The following DGKB variants were observed in gnomAD, a reference collection of about 807,000 sequenced individuals.
DGKB encodes the protein 90 kDa diacylglycerol kinase.
A neutral mutation model predicts 114.3 loss-of-function variants in DGKB; 67 were observed. The observed-to-expected ratio is 0.59, with a 90% CI of 0.48 to 0.72. The LOEUF is 0.72. DGKB is among the 30% of genes least tolerant of loss of function. The probability of loss-of-function intolerance (pLI) is 0.00; values close to 1 mark genes in which losing one functional copy is unlikely to be tolerated. For missense variants in DGKB, 907 were observed against 975.2 expected (o/e 0.93, Z 0.93); for synonymous variants, 398 against 323.1 (o/e 1.23, Z -2.49).
rs371986642 is a variant in DGKB, at chr7:14,510,519, C to T, written c.1771-32294G>A. Among the ~76,000 whole-genome samples the T allele has an allele frequency of 4.8e-4, 73 of 152,194 alleles. No homozygotes were observed. The South Asian group carries it at 0.015, about 31-fold the overall frequency. ...CCATTTCTTATTCTTGCTATTTCTA[C>T]CACGTATGCAGTTACTTCCTCCACT... On this transcript the variant is annotated intron_variant, in intron 20 of 25. Coordinates refer to ENST00000402815, the MANE Select transcript of DGKB (RefSeq NM_001350709.2).
chr7:14,810,512 T>C (rs1214902452), intron 2 of DGKB, among the ~76,000 whole-genome samples: 3 of 152,224 alleles, frequency 2.0e-5, no homozygotes, highest in Non-Finnish European at 4.4e-5. Context: ...ATAATTTATT[T>C]TATTCAATAT....
chr7:14,487,980 A>G (rs1197995568), intron 20 of DGKB, among the ~76,000 whole-genome samples: 1 of 152,186 alleles, frequency 6.6e-6, no homozygotes, highest in Non-Finnish European at 1.5e-5. Flanking sequence ...TGTAAATAAA[A>G]ACTTATGAAC....
chr7:14,960,476 C>T (rs1587462295), intron 1 of DGKB, among the ~76,000 whole-genome samples: 1 of 151,570 alleles, frequency 6.6e-6, no homozygotes, highest in Non-Finnish European at 1.5e-5. Context: ...GACCTAAGAA[C>T]TGTATTTTTT....
chr7:14,642,883 C>G (rs1390998088), intron 13 of DGKB, among the ~76,000 whole-genome samples: 1 of 152,134 alleles, frequency 6.6e-6, no homozygotes, highest in East Asian at 1.9e-4. Flanking sequence ...ATATAATACT[C>G]TTTGTTTTAA....
intron 23 of DGKB, among the ~76,000 whole-genome samples, chr7:14,241,506 G>A (rs980272363): frequency 1.3e-5 from 2 of 152,036 alleles, no homozygotes; most frequent in African/African-American, 4.8e-5. Context: ...ACATACGTCA[G>A]GAAATTGTCC....
At chr7:14,619,130 A>T (rs1480660010) in intron 15 of DGKB, among the ~76,000 whole-genome samples, 22 of 151,348 alleles carry the variant, frequency 1.5e-4, no homozygotes, top group Non-Finnish European at 3.0e-5. Context: ...TTTGCACATG[A>T]TTATATACCA....
chr7:14,336,964 T>TA (rs1213660849), intron 23 of DGKB, among the ~76,000 whole-genome samples: 5 of 152,126 alleles, frequency 3.3e-5, no homozygotes. Context: ...ACAGAAAACT[T>TA]AACCTGGAAA....
At chr7:14,917,512 T>G (rs1784301951) in intron 1 of DGKB, among the ~76,000 whole-genome samples, 1 of 151,880 alleles carries the variant, frequency 6.6e-6, no homozygotes, top group South Asian at 2.1e-4. Context: ...TCTCACAAAT[T>G]TTATAATTTA....
intron 1 of DGKB, among the ~76,000 whole-genome samples, chr7:14,920,710 G>A (rs1784471862): frequency 6.6e-6 from 1 of 152,100 alleles, no homozygotes; most frequent in South Asian, 2.1e-4. Context: ...GTTTATAGCA[G>A]CTTTATACAT....
At chr7:14,217,257 C>T (rs1789135734) in intron 23 of DGKB, among the ~76,000 whole-genome samples, 1 of 152,008 alleles carries the variant, frequency 6.6e-6, no homozygotes, top group Non-Finnish European at 1.5e-5. Context: ...AATATTTTTT[C>T]AGTAATACTT....
At chr7:14,408,167 A>G (rs1824258663) in intron 21 of DGKB, among the ~76,000 whole-genome samples, 1 of 152,084 alleles carries the variant, frequency 6.6e-6, no homozygotes, top group Non-Finnish European at 1.5e-5. Context: ...CGGTTTAATG[A>G]TCAATTACTC....
At chr7:14,775,716 A>C (rs989104301) in intron 2 of DGKB, among the ~76,000 whole-genome samples, 1 of 151,982 alleles carries the variant, frequency 6.6e-6, no homozygotes, top group Non-Finnish European at 1.5e-5. Flanking sequence ...CATGATTGTA[A>C]GTTTCCTGAG....
chr7:14,756,118 CT>C (rs1208653429), intron 3 of DGKB, among the ~76,000 whole-genome samples: 2 of 151,932 alleles, frequency 1.3e-5, no homozygotes, highest in Admixed American at 1.3e-4. Flanking sequence ...AAAAAGGCTG[CT>C]TTGCAAACAA....
At chr7:14,370,515 C>T (rs977603579) in intron 21 of DGKB, among the ~76,000 whole-genome samples, 1 of 152,018 alleles carries the variant, frequency 6.6e-6, no homozygotes, top group Admixed American at 6.6e-5. Flanking sequence ...TTACTTTGGG[C>T]AGTATGGCCA....
intron 20 of DGKB, among the ~76,000 whole-genome samples, chr7:14,538,275 A>G (rs1792864921): frequency 1.3e-5 from 2 of 152,080 alleles, no homozygotes; most frequent in African/African-American, 4.8e-5. Flanking sequence ...GCAAAACAAA[A>G]CAAAATAAAC....
intron 1 of DGKB, among the ~76,000 whole-genome samples, chr7:14,941,711 C>T (rs1333022745): frequency 6.6e-6 from 1 of 151,844 alleles, no homozygotes; most frequent in Non-Finnish European, 1.5e-5. Flanking sequence ...GAGTCAGTTC[C>T]TAATCATACA....
intron 23 of DGKB, among the ~76,000 whole-genome samples, chr7:14,292,473 C>A (rs1398987508): frequency 1.3e-5 from 2 of 152,138 alleles, no homozygotes; most frequent in African/African-American, 2.4e-5. Context: ...ACAATTCAAA[C>A]CTGGTTATTT....
At chr7:14,219,349 T>C (rs1789541157) in intron 23 of DGKB, among the ~76,000 whole-genome samples, 2 of 151,984 alleles carry the variant, frequency 1.3e-5, no homozygotes, top group Admixed American at 6.6e-5. Context: ...CTTGAAAGAA[T>C]GTTCTCTAAA....
At chr7:14,304,967 A>G (rs980732149) in intron 23 of DGKB, among the ~76,000 whole-genome samples, 1 of 138,200 alleles carries the variant, frequency 7.2e-6, no homozygotes, top group East Asian at 2.5e-4. Context: ...CATATCTCAT[A>G]AAGACACCAT....
Sources: allele counts gnomAD v4.1 joint callset (sites outside exome capture counted in the v4.1 genomes callset), GRCh38; gene constraint gnomAD v4.1.1; transcripts MANE v1.5; gene names NCBI Gene and HGNC (gene_info 2026-07-23, HGNC 2026-07-21).